The following IQGAP1 variants were observed in gnomAD, a reference collection of about 807,000 sequenced individuals.
The protein encoded by IQGAP1 is ras GTPase-activating-like protein IQGAP1.
A neutral mutation model predicts 215.6 loss-of-function variants in IQGAP1; 66 were observed. The ratio of observed to expected loss-of-function variants is 0.31; its 90% confidence interval spans 0.25 to 0.38. The LOEUF is 0.38. IQGAP1 is among the 10% of genes least tolerant of loss of function. The probability of loss-of-function intolerance (pLI) is 1.00; values close to 1 mark genes in which losing one functional copy is unlikely to be tolerated. For missense variants in IQGAP1, 1,712 were observed against 1,997.1 expected (o/e 0.86, Z 2.72); for synonymous variants, 772 against 728.7 (o/e 1.06, Z -0.96).
chr15:90,495,620 A>G (rs1966260865), intron 36 of IQGAP1, among the ~76,000 whole-genome samples: 1 of 148,522 alleles, frequency 6.7e-6, no homozygotes, highest in African/African-American at 2.5e-5. Context: ...ACATATATAT[A>G]TATTTTTTTC....
intron 34 of IQGAP1, among the ~76,000 whole-genome samples, chr15:90,492,261 T>C (rs1966215515): frequency 6.6e-6 from 1 of 151,644 alleles, no homozygotes; most frequent in Non-Finnish European, 1.5e-5. Flanking sequence ...ACCCCATCTC[T>C]ACAAAAAAAA....
rs1964663564 is a variant in IQGAP1, at chr15:90,393,305, A to G, written c.155+2432A>G. On this transcript the variant is annotated intron_variant, in intron 2 of 37. Transcript: ENST00000268182. ...TAGTATTTGCATATAACCTTAGCACATTGCATAATATATACTTGAAAACAT... is the reference window on the plus strand; with the variant it reads ...TAGTATTTGCATATAACCTTAGCACGTTGCATAATATATACTTGAAAACAT... Among the ~76,000 whole-genome samples the G allele has an allele frequency of 2.0e-5, 3 of 152,152 alleles. No homozygotes were observed. The South Asian group carries it at 6.2e-4, about 32-fold the overall frequency.
intron 11 of IQGAP1, among the ~76,000 whole-genome samples, chr15:90,450,794 T>G (rs1050224114): frequency 6.7e-6 from 1 of 150,272 alleles, no homozygotes; most frequent in African/African-American, 2.5e-5. Context: ...AAAAATTGGA[T>G]TATTTGTGGG....
At chr15:90,396,566 T>C (rs1398405652) in intron 2 of IQGAP1, among the ~76,000 whole-genome samples, 8 of 152,122 alleles carry the variant, frequency 5.3e-5, no homozygotes, top group Non-Finnish European at 1.0e-4. Context: ...TTATTTATAA[T>C]TACCAAGGGG....
rs754707390 is a variant in IQGAP1 at position 90,465,982 on chromosome 15, T to C, written c.1777-19T>C. 3.1e-6 allele frequency: 5 copies of C among 1,594,488 alleles called. No homozygotes were observed. In the Admixed American group the frequency reaches 8.3e-5, roughly 27 times the overall value. On this transcript the variant is annotated intron_variant, in intron 15 of 37. Transcript: ENST00000268182. ...CCCTGATTTCATGACTTTAATATTT[T>C]GCTTTTAATGATATGTAGGAAATCC...
intron 11 of IQGAP1, among the ~76,000 whole-genome samples, chr15:90,450,330 C>CTTTTTTTT (rs869037347): frequency 3.7e-5 from 2 of 54,424 alleles, no homozygotes; most frequent in Non-Finnish European, 6.4e-5. Context: ...TATACACTAC[C>CTTTTTTTT]TTTTTTTTTT....
intron 4 of IQGAP1, 87 bp from the exon 5 acceptor site, chr15:90,433,632 A>T: frequency 2.5e-6 from 2 of 794,096 alleles, no homozygotes; most frequent in Non-Finnish European, 4.2e-6. Context: ...AACTGTCCAT[A>T]GTTTGATTTG....
At chr15:90,494,018 C>T (rs1400491185) in intron 35 of IQGAP1, 8 of 152,138 alleles carry the variant, frequency 5.3e-5, no homozygotes, top group Admixed American at 3.9e-4. Flanking sequence ...CCTAGATTCT[C>T]ATTTTTTTTT....
At chr15:90,442,542 T>A (rs1240861401) in intron 8 of IQGAP1, among the ~76,000 whole-genome samples, 12 of 152,196 alleles carry the variant, frequency 7.9e-5, no homozygotes, top group Non-Finnish European at 1.3e-4. Flanking sequence ...AGAACATTCT[T>A]TGTATCTCTT....
intron 34 of IQGAP1, among the ~76,000 whole-genome samples, chr15:90,491,904 T>C (rs1966210075): frequency 6.6e-6 from 1 of 152,212 alleles, no homozygotes. Context: ...GGGGCTTTGG[T>C]GAGGACTAAG....
chr15:90,451,312 A>G (rs1965601067), intron 11 of IQGAP1, among the ~76,000 whole-genome samples: 1 of 152,190 alleles, frequency 6.6e-6, no homozygotes. Flanking sequence ...TGCAAGAAGC[A>G]AGGCACCAGC....
intron 23 of IQGAP1, among the ~76,000 whole-genome samples, chr15:90,476,162 G>A (rs1965976804): frequency 6.6e-6 from 1 of 151,958 alleles, no homozygotes; most frequent in African/African-American, 2.4e-5. Flanking sequence ...CAAAACTCCT[G>A]GGCTCAGGTG....
intron 2 of IQGAP1, among the ~76,000 whole-genome samples, chr15:90,418,342 T>A (rs1045856142): frequency 3.9e-5 from 6 of 152,136 alleles, no homozygotes; most frequent in Non-Finnish European, 7.4e-5. Context: ...ATCCTTGCAC[T>A]TTGGGAGGCT....
intron 33 of IQGAP1, among the ~76,000 whole-genome samples, chr15:90,489,553 A>G (rs1229710444): frequency 2.0e-5 from 3 of 152,134 alleles, no homozygotes; most frequent in African/African-American, 7.2e-5. Context: ...TAGAGCAGGT[A>G]CTCTGCTACT....
chr15:90,471,796 G>A (rs1423108740), intron 18 of IQGAP1, among the ~76,000 whole-genome samples: 2 of 151,482 alleles, frequency 1.3e-5, no homozygotes, highest in Non-Finnish European at 2.9e-5. Context: ...CACCACGCCT[G>A]GCCACTCGTG....
chr15:90,412,652 A>T (rs1382530643), intron 2 of IQGAP1, among the ~76,000 whole-genome samples: 1 of 152,172 alleles, frequency 6.6e-6, no homozygotes, highest in Non-Finnish European at 1.5e-5. Flanking sequence ...ATTTACCATT[A>T]CCATATGGAA....
chr15:90,487,039 C>T lies in IQGAP1; in HGVS notation c.4110C>T (p.Asp1370=), dbSNP rs528193427. The change falls in exon 32 of 38, where the codon GAC becomes GAT. Residue 1370 remains aspartate (D), a synonymous_variant. Transcript: ENST00000268182. ...CTCTCACCCTGACCAACAAGTTCGACGTGCCTGGAGATGAGAATGCAGAAA... is the reference window on the plus strand; with the variant it reads ...CTCTCACCCTGACCAACAAGTTCGATGTGCCTGGAGATGAGAATGCAGAAA... ...EVSLTLTNKF[D]VPGDENAEMD... is the part of the protein sequence containing the mutation. The T allele has an allele frequency of 7.4e-6, 12 of 1,614,066 alleles. No homozygotes were observed. Among genetic ancestry groups the T allele is most frequent in the East Asian group, 4.5e-5 (2 of 44,882 alleles).
intron 37 of IQGAP1, among the ~76,000 whole-genome samples, chr15:90,498,226 CCTT>C (rs1966297935): frequency 6.6e-6 from 1 of 152,154 alleles, no homozygotes; most frequent in South Asian, 2.1e-4. Context: ...GCCATAAACT[CCTT>C]AAGGACAGGT....
At chr15:90,397,876 C>CTTTTCTTTTCTTTT (rs1567112875) in intron 2 of IQGAP1, 1 of 50,658 alleles carries the variant, frequency 2.0e-5, no homozygotes, top group Non-Finnish European at 3.3e-5. Flanking sequence ...TTTTTCTTTT[C>CTTTTCTTTTCTTTT]TTTTTTTTTT....
Sources: allele counts gnomAD v4.1 joint callset (sites outside exome capture counted in the v4.1 genomes callset), GRCh38; gene constraint gnomAD v4.1.1; transcripts MANE v1.5; gene names NCBI Gene and HGNC (gene_info 2026-07-23, HGNC 2026-07-21).